The following GALNTL6 variants were observed in gnomAD, a reference collection of about 807,000 sequenced individuals.
GALNTL6 encodes polypeptide N-acetylgalactosaminyltransferase-like 6.
A neutral mutation model predicts 73.7 loss-of-function variants in GALNTL6; 46 were observed. The ratio of observed to expected loss-of-function variants is 0.62; its 90% CI spans 0.49 to 0.80. The LOEUF is 0.80. Ranked by LOEUF, GALNTL6 falls within the 30% of genes least tolerant of loss-of-function variation. The pLI is 0.00. For missense variants in GALNTL6, 604 were observed against 755.0 expected (o/e 0.80, Z 2.34); for synonymous variants, 259 against 263.7 (o/e 0.98, Z 0.17).
chr4:172,113,638 G>A (rs774126964), intron 2 of GALNTL6, among the ~76,000 whole-genome samples: 5 of 151,994 alleles, frequency 3.3e-5, no homozygotes, highest in Admixed American at 6.6e-5. Flanking sequence ...TATACAGCTT[G>A]AGCTGCAACA....
intron 2 of GALNTL6, among the ~76,000 whole-genome samples, chr4:171,948,969 ACAC>A (rs1738785217): frequency 6.7e-6 from 1 of 150,138 alleles, no homozygotes; most frequent in African/African-American, 2.5e-5. Flanking sequence ...ATATACACAC[ACAC>A]ACACACACAC....
intron 5 of GALNTL6, among the ~76,000 whole-genome samples, chr4:172,552,549 T>A (rs1388130027): frequency 2.0e-5 from 3 of 152,002 alleles, no homozygotes; most frequent in Admixed American, 1.3e-4. Context: ...AAGTCCAAAT[T>A]TCGTGATTGT....
intron 5 of GALNTL6, among the ~76,000 whole-genome samples, chr4:172,728,259 T>C (rs1365635127): frequency 6.6e-6 from 1 of 152,176 alleles, no homozygotes; most frequent in Non-Finnish European, 1.5e-5. Flanking sequence ...CCTTCTTCCT[T>C]TTCTCTTATA....
At chr4:172,293,170 T>C (rs1248858100) in intron 3 of GALNTL6, among the ~76,000 whole-genome samples, 1 of 152,164 alleles carries the variant, frequency 6.6e-6, no homozygotes, top group Non-Finnish European at 1.5e-5. Flanking sequence ...CCAACCACAT[T>C]GGCCTTGATG....
At chr4:172,800,287 A>G (rs1356523828) in intron 5 of GALNTL6, among the ~76,000 whole-genome samples, 1 of 152,242 alleles carries the variant, frequency 6.6e-6, no homozygotes, top group African/African-American at 2.4e-5. Flanking sequence ...GACAACAACA[A>G]AGAAAAACTG....
chr4:171,971,945 C>A (rs1739583316), intron 2 of GALNTL6, among the ~76,000 whole-genome samples: 1 of 151,968 alleles, frequency 6.6e-6, no homozygotes, highest in African/African-American at 2.4e-5. Context: ...GACGGCCTCA[C>A]CCACATGTCT....
intron 5 of GALNTL6, among the ~76,000 whole-genome samples, chr4:172,742,003 G>GA (rs1390704955): frequency 2.7e-4 from 41 of 151,580 alleles, no homozygotes; most frequent in Non-Finnish European, 2.1e-4. Flanking sequence ...ATAAAAATAA[G>GA]AAAAAACATA....
intron 5 of GALNTL6, among the ~76,000 whole-genome samples, chr4:172,545,041 A>C (rs770222992): frequency 6.6e-6 from 1 of 152,218 alleles, no homozygotes; most frequent in Non-Finnish European, 1.5e-5. Context: ...TGTATGGTCT[A>C]CTGTTAAGAT....
intron 5 of GALNTL6, among the ~76,000 whole-genome samples, chr4:172,661,449 TGGC>T (rs772464261): frequency 6.6e-6 from 1 of 152,032 alleles, no homozygotes; most frequent in Admixed American, 6.6e-5. Context: ...TGGAGAACAC[TGGC>T]TAACACGGTG....
chr4:172,515,429 T>C (rs1402985814), intron 5 of GALNTL6, among the ~76,000 whole-genome samples: 2 of 152,238 alleles, frequency 1.3e-5, no homozygotes, highest in East Asian at 1.9e-4. Flanking sequence ...GTGGATGGTC[T>C]GTGGTCTTGA....
intron 3 of GALNTL6, among the ~76,000 whole-genome samples, chr4:172,253,158 T>C (rs1737941686): frequency 6.6e-6 from 1 of 152,008 alleles, no homozygotes; most frequent in South Asian, 2.1e-4. Context: ...AAAGATGTTG[T>C]ATTTTAAATT....
At chr4:171,959,962 T>A (rs1739173019) in intron 2 of GALNTL6, among the ~76,000 whole-genome samples, 1 of 152,170 alleles carries the variant, frequency 6.6e-6, no homozygotes, top group Non-Finnish European at 1.5e-5. Flanking sequence ...AACCACAAAA[T>A]AAACTTATTT....
chr4:172,514,415 C>A (rs1256049853), intron 5 of GALNTL6, among the ~76,000 whole-genome samples: 1 of 152,154 alleles, frequency 6.6e-6, no homozygotes, highest in Non-Finnish European at 1.5e-5. Flanking sequence ...GCCAGAAAGG[C>A]CAGTCTCCTG....
At chr4:172,327,701 TC>T (rs2111175119) in intron 4 of GALNTL6, among the ~76,000 whole-genome samples, 1 of 152,308 alleles carries the variant, frequency 6.6e-6, no homozygotes, top group South Asian at 2.1e-4. Context: ...TGTCTAAAAT[TC>T]GCATTGCCAC....
chr4:172,764,210 C>T (rs187156165), intron 5 of GALNTL6, among the ~76,000 whole-genome samples: 223 of 152,278 alleles, frequency 1.5e-3, no homozygotes, highest in Middle Eastern at 3.4e-3. Context: ...CGCCCGCCTT[C>T]GTCTCCCAAA....
rs1424411251 is a variant in GALNTL6 at position 173,036,953 on chromosome 4, C to T, written c.1639-2980C>T. On this transcript the variant is annotated intron_variant, in intron 12 of 12. Coordinates refer to ENST00000506823, the MANE Select transcript of GALNTL6 (RefSeq NM_001034845.3). Reference sequence around the variant, plus strand: ...AAAGACCACATTCAAAAGACAATTACTTGATCCACTGACTTAAGTCCAACC... The same window carrying T: ...AAAGACCACATTCAAAAGACAATTATTTGATCCACTGACTTAAGTCCAACC... Among the ~76,000 whole-genome samples the T allele has an allele frequency of 2.6e-5, 4 of 152,218 alleles. No individual in the cohort carries two copies. The East Asian group carries it at 7.7e-4, about 29-fold the overall frequency.
chr4:172,774,142 C>T (rs546948075), intron 5 of GALNTL6, among the ~76,000 whole-genome samples: 80 of 152,332 alleles, frequency 5.3e-4, no homozygotes, highest in African/African-American at 1.8e-3. Flanking sequence ...GAATTTGCTG[C>T]AGCAAGCAAC....
At chr4:172,625,569 G>A (rs977544582) in intron 5 of GALNTL6, among the ~76,000 whole-genome samples, 2 of 152,048 alleles carry the variant, frequency 1.3e-5, no homozygotes, top group Admixed American at 6.6e-5. Flanking sequence ...TTAAATGGTA[G>A]TTCTATTTTA....
At chr4:172,861,319 ATGTGTGTG>A (rs10664817) in intron 7 of GALNTL6, among the ~76,000 whole-genome samples, 1 of 146,276 alleles carries the variant, frequency 6.8e-6, no homozygotes, top group Non-Finnish European at 1.5e-5. Context: ...TTTTGCTTAC[ATGTGTGTG>A]TGTGTGTGTG....
Sources: allele counts gnomAD v4.1 joint callset (sites outside exome capture counted in the v4.1 genomes callset), GRCh38; gene constraint gnomAD v4.1.1; transcripts MANE v1.5; gene names NCBI Gene and HGNC (gene_info 2026-07-23, HGNC 2026-07-21).